QTGAL: variants seen among roughly 807,000 people sequenced by gnomAD.
QTGAL encodes queuosine-tRNA galactosyltransferase.
At chr17:83,032,510 C>CCGGGT in the QTGAL span, among the ~76,000 whole-genome samples, 3 of 24,016 alleles carry the variant, frequency 1.2e-4, no homozygotes, top group Non-Finnish European at 2.2e-4. Context: ...AGCTGAACAA[C>CCGGGT]CAGGTCAGAC....
the QTGAL span, among the ~76,000 whole-genome samples, chr17:82,972,660 T>C: frequency 2.2e-4 from 17 of 78,822 alleles, no homozygotes; most frequent in African/African-American, 8.6e-4. Context: ...ACCACACTCA[T>C]AGGGGCCAGA....
chr17:82,984,917 A>G, the QTGAL span, among the ~76,000 whole-genome samples: 8 of 152,008 alleles, frequency 5.3e-5, no homozygotes, highest in Non-Finnish European at 8.8e-5. Context: ...AGCTGCCAGG[A>G]CCTCTGAGTC....
At chr17:82,963,737 C>T in the QTGAL span, among the ~76,000 whole-genome samples, 177 of 152,178 alleles carry the variant, frequency 1.2e-3, no homozygotes, top group African/African-American at 3.9e-3. Flanking sequence ...TGGCAGGTGG[C>T]TGTTAGATGA....
At chr17:82,952,296 G>GT in the QTGAL span, among the ~76,000 whole-genome samples, 1 of 152,180 alleles carries the variant, frequency 6.6e-6, no homozygotes, top group African/African-American at 2.4e-5. Context: ...GCCCATGTCT[G>GT]TGTGTCCCCC....
chr17:82,967,761 TACAA>T, the QTGAL span, among the ~76,000 whole-genome samples: 1 of 112,350 alleles, frequency 8.9e-6, no homozygotes, highest in South Asian at 3.3e-4. Context: ...TGGGCAACTC[TACAA>T]ATAATAATAA....
At chr17:82,967,604 G>T in the QTGAL span, among the ~76,000 whole-genome samples, 14 of 151,914 alleles carry the variant, frequency 9.2e-5, no homozygotes, top group African/African-American at 2.7e-4. Context: ...AATAAAATTC[G>T]AACTGCAATG....
chr17:82,966,920 C>T, the QTGAL span, among the ~76,000 whole-genome samples: 2 of 152,162 alleles, frequency 1.3e-5, no homozygotes, highest in African/African-American at 2.4e-5. Context: ...GCAATAAGTG[C>T]GTTTCACTGA....
chr17:82,946,569 AGTGT>A, the QTGAL span, among the ~76,000 whole-genome samples: 12 of 150,192 alleles, frequency 8.0e-5, no homozygotes, highest in African/African-American at 2.7e-4. Flanking sequence ...ACAGAACCCA[AGTGT>A]GTGTGTGTGT....
the QTGAL span, among the ~76,000 whole-genome samples, chr17:82,990,754 T>G: frequency 6.6e-6 from 1 of 152,206 alleles, no homozygotes; most frequent in African/African-American, 2.4e-5. Flanking sequence ...TTTGAGGTAT[T>G]GTGGAAATGG....
chr17:82,994,130 A>G, the QTGAL span, among the ~76,000 whole-genome samples: 1 of 152,172 alleles, frequency 6.6e-6, no homozygotes, highest in South Asian at 2.1e-4. Context: ...CAAAATTAGT[A>G]GAAGAAAATA....
the QTGAL span, among the ~76,000 whole-genome samples, chr17:83,016,457 A>ACTC: frequency 6.8e-6 from 1 of 146,982 alleles, no homozygotes; most frequent in East Asian, 2.1e-4. Flanking sequence ...GGGCAGAGAG[A>ACTC]AGAGAATAAA....
chr17:83,013,033 C>T, the QTGAL span, among the ~76,000 whole-genome samples: 1 of 152,164 alleles, frequency 6.6e-6, no homozygotes. Flanking sequence ...CATGGATATG[C>T]TGTCACACTC....
chr17:83,020,330 G>A, the QTGAL span, among the ~76,000 whole-genome samples: 1 of 152,128 alleles, frequency 6.6e-6, no homozygotes, highest in Non-Finnish European at 1.5e-5. Flanking sequence ...AAGGATGCCT[G>A]CACACACAAT....
At chr17:83,028,335 T>C in the QTGAL span, among the ~76,000 whole-genome samples, 3 of 150,456 alleles carry the variant, frequency 2.0e-5, no homozygotes, top group East Asian at 2.0e-4. Context: ...CCATCCTGGC[T>C]AACACGGTGA....
chr17:83,002,191 C>T, the QTGAL span, among the ~76,000 whole-genome samples: 4 of 151,888 alleles, frequency 2.6e-5, no homozygotes, highest in Non-Finnish European at 5.9e-5. Flanking sequence ...ATAAAAAACT[C>T]TTCTATGGGC....
chr17:82,960,198 A>G, the QTGAL span, among the ~76,000 whole-genome samples: 2 of 151,966 alleles, frequency 1.3e-5, no homozygotes, highest in Non-Finnish European at 2.9e-5. Flanking sequence ...CCTCCTGCCA[A>G]CCCCCCAGCC....
chr17:82,962,457 G>C, the QTGAL span, among the ~76,000 whole-genome samples: 1 of 151,546 alleles, frequency 6.6e-6, no homozygotes, highest in Non-Finnish European at 1.5e-5. Flanking sequence ...GGGTGATTTA[G>C]GGTGGAGGGT....
chr17:82,976,863 A>G, the QTGAL span, among the ~76,000 whole-genome samples: 9 of 21,854 alleles, frequency 4.1e-4, no homozygotes, highest in Admixed American at 1.3e-3. Flanking sequence ...CCCAGGGACC[A>G]GAGGCCACTA....
At chr17:82,983,151 G>A in the QTGAL span, among the ~76,000 whole-genome samples, 10 of 152,104 alleles carry the variant, frequency 6.6e-5, no homozygotes, top group Admixed American at 1.3e-4. Context: ...ATGATGGCAC[G>A]TGGCTGTAAT....
Sources: gnomAD v4.1 joint callset for allele counts (sites outside exome capture counted in the v4.1 genomes callset) on GRCh38, gnomAD v4.1.1 for gene constraint, MANE v1.5 for transcripts, NCBI Gene and HGNC (gene_info 2026-07-23, HGNC 2026-07-21) for gene names.